Variants in USP50 observed in about 807,000 individuals in gnomAD.
USP50 encodes ubiquitin specific peptidase 50, also known as ubiquitin carboxyl-terminal hydrolase 50.
USP50 carries 37 observed loss-of-function variants against 39.2 expected under a neutral mutation model. The observed-to-expected ratio is 0.94, with a 90% CI of 0.73 to 1.24. The LOEUF (loss-of-function observed/expected upper bound fraction) is 1.24, where lower values mean the gene tolerates loss of function less well. Among genes scored for constraint, USP50 ranks in the 50% most tolerant of loss-of-function variants. The pLI is 0.00. For missense variants in USP50, 374 were observed against 398.2 expected, an observed-to-expected ratio of 0.94 and a Z score of 0.52; for synonymous variants, 139 against 144.5, an observed-to-expected ratio of 0.96 and a Z score of 0.27.
Position 50,529,880 on chromosome 15 carries a change from A to T in USP50, c.853T>A (p.Tyr285Asn), listed in dbSNP as rs1267445456. 6.2e-7 allele frequency: 1 copy of T among 1,614,024 alleles called. No individual in the cohort carries two copies. The highest frequency in any genetic ancestry group is 1.1e-5 in the South Asian group (1 of 91,088). The change falls in exon 6 of 7, where the codon TAC (tyrosine) becomes AAC (asparagine). Residue 285 changes from tyrosine (Y) to asparagine (N), a missense_variant. Tyr to Asn is a moderately radical substitution (Grantham distance 143). Transcript: ENST00000532404. ...GTGAGGTCCAAGTTAGTGAGTGGGT[A>T]ATGAATATCCGTTCTCAGCTTCCTT... ...TKRKLRTDIH[Y>N]PLTNLDLTPY...
chr15:50,524,359 T>C (rs2052872275), intron 6 of USP50, among the ~76,000 whole-genome samples: 2 of 152,296 alleles, frequency 1.3e-5, no homozygotes, highest in South Asian at 4.1e-4. Context: ...GTGAAAATAT[T>C]TGCAAACCAT....
rs779032948 is a variant in USP50 at position 50,533,470 on chromosome 15, TG to T, written c.804-3542del. 3.4e-5 allele frequency among the ~76,000 whole-genome samples: 5 copies of T among 148,004 alleles called. No individual in the cohort carries two copies. The South Asian group carries it at 8.7e-4, about 26-fold the overall frequency. On this transcript the variant is annotated intron_variant, in intron 5 of 6. Transcript: ENST00000532404. ...AAAAAAATCCTAAAAGAAGCCAGAG[TG>T]GGGGGGAAAAAAACACACCTATAGA...
intron 3 of USP50, 100 bp from the exon 4 acceptor site, chr15:50,541,364 T>A: frequency 1.0e-6 from 1 of 956,504 alleles, no homozygotes; most frequent in South Asian, 1.6e-5. Flanking sequence ...AAACAAAAAA[T>A]TAGCTAGGCA....
chr15:50,502,322 G>C (rs1455875436), intron 6 of USP50: 1 of 151,844 alleles, frequency 6.6e-6, no homozygotes, highest in Non-Finnish European at 1.5e-5. Flanking sequence ...TGTTAGCCAG[G>C]ATGGTCTCGA....
At chr15:50,494,039 T>TTGTC in exon 2 of USP50, 2 of 1,590,556 alleles carry the variant, frequency 1.3e-6, no homozygotes, top group Non-Finnish European at 8.5e-7. Context: ...ATTTCCTTTA[T>TTGTC]TGTCTTTTGT....
downstream of USP50, chr15:50,497,218 G>A (rs1296730010): frequency 1.2e-6 from 2 of 1,607,352 alleles, no homozygotes; most frequent in Admixed American, 1.7e-5. Context: ...TGTGCTTTTA[G>A]TGCATCTGAA....
rs77029724 is a variant in USP50 at position 50,503,419 on chromosome 15, T to C, written c.937-2582A>G. 7.3e-3 allele frequency: 1,112 copies of C among 152,314 alleles called. 9 individuals are homozygous for C. The highest frequency in any genetic ancestry group is 0.013 in the Non-Finnish European group (880 of 68,052). 9.4% of individuals were successfully genotyped at this position (152,314 alleles called of 1,614,324 possible). A position where few individuals can be genotyped will look rare whatever the true frequency, so the allele number is the denominator to read the frequency against. On this transcript the variant is annotated intron_variant, in intron 6 of 6. Coordinates refer to ENST00000532404, the MANE Select transcript of USP50 (RefSeq NM_203494.5). ...GACAGTCCCTAGTTTCTGTAACCAG[T>C]ATGCTCGGGTTTTAAAGGTCACGCA...
intron 6 of USP50, among the ~76,000 whole-genome samples, chr15:50,516,934 T>C (rs2141359241): frequency 6.6e-6 from 1 of 152,162 alleles, no homozygotes; most frequent in East Asian, 1.9e-4. Flanking sequence ...AATTACTAAT[T>C]AATATGAGAG....
rs112214586 is a variant in USP50 at position 50,534,089 on chromosome 15, A to C, written c.804-4160T>G. Among the ~76,000 whole-genome samples, 309 of 152,344 alleles carry C rather than the reference A, an allele frequency of 2.0e-3. 2 individuals are homozygous for C. The highest frequency in any genetic ancestry group is 7.3e-3 in the African/African-American group (302 of 41,582). ...GGATCTACATAAAAAGCACTGAAGA[A>C]GGAATAAGTGAAGGTAAAATGAAAA... On this transcript the variant is annotated intron_variant, in intron 5 of 6. Transcript: ENST00000532404.
chr15:50,497,236 A>C, downstream of USP50: 1 of 1,596,144 alleles, frequency 6.3e-7, no homozygotes, highest in Non-Finnish European at 8.5e-7. Context: ...GAAACGGTAA[A>C]GGGGAAAGTT....
chr15:50,520,996 G>A (rs1158373705), intron 6 of USP50, among the ~76,000 whole-genome samples: 2 of 152,134 alleles, frequency 1.3e-5, no homozygotes, highest in Non-Finnish European at 2.9e-5. Context: ...TCAAAGAAAT[G>A]ATAAAGGTTT....
At chr15:50,540,988 C>T (rs983872736) in intron 4 of USP50, 61 bp downstream of exon 4, 6 of 1,340,850 alleles carry the variant, frequency 4.5e-6, no homozygotes, top group African/African-American at 2.9e-5. Context: ...GAAACAGCCC[C>T]GAGAAAATCC....
intron 3 of USP50, among the ~76,000 whole-genome samples, chr15:50,541,797 A>G (rs2053031915): frequency 6.6e-6 from 1 of 152,176 alleles, no homozygotes; most frequent in Non-Finnish European, 1.5e-5. Flanking sequence ...CTAAATTAGC[A>G]TTAGTTCACT....
At chr15:50,494,292 G>C (rs1414677162) in intron 1 of USP50, 6 of 1,585,860 alleles carry the variant, frequency 3.8e-6, no homozygotes, top group Non-Finnish European at 5.1e-6. Flanking sequence ...TAAGAAATTT[G>C]ATTTTTCTAA....
At position 50,502,001 on chromosome 15, in the gene USP50, C is replaced by T. The variant is rs550441107; in HGVS notation, c.937-1164G>A. 9 of 152,308 alleles carry T rather than the reference C, an allele frequency of 5.9e-5. No individual in the cohort carries two copies. In the East Asian group the frequency reaches 1.7e-3, roughly 29 times the overall value. The allele number at this position is 152,308 out of a possible 1,614,324, so 9.4% of individuals were successfully genotyped here. A position where few individuals can be genotyped will look rare whatever the true frequency, so the allele number is the denominator to read the frequency against. On this transcript the variant is annotated intron_variant, in intron 6 of 6. Transcript: ENST00000532404. The stretch of plus-strand genomic sequence containing the variant: ...ATACAACAGTAAAACTGAATAGTTG[C>T]AGCCAATACCATATGGCTTATGAGG...
chr15:50,539,135 A>C (rs2053008656), intron 4 of USP50, among the ~76,000 whole-genome samples: 1 of 137,494 alleles, frequency 7.3e-6, no homozygotes, highest in African/African-American at 2.8e-5. Context: ...TTTGAGATGG[A>C]GTCTCGCTCT....
intron 6 of USP50, among the ~76,000 whole-genome samples, chr15:50,524,616 C>G (rs894091677): frequency 3.3e-5 from 5 of 152,170 alleles, no homozygotes; most frequent in African/African-American, 1.2e-4. Flanking sequence ...TGAAAGTTAA[C>G]AAGTGTTGGC....
downstream of USP50, chr15:50,493,693 C>T (rs370263683): frequency 2.2e-5 from 8 of 370,598 alleles, no homozygotes; most frequent in East Asian, 7.1e-5. Context: ...TGCAGTGAGC[C>T]GTGATTGTGC....
chr15:50,515,295 G>A (rs1180145078), intron 6 of USP50, among the ~76,000 whole-genome samples: 1 of 152,164 alleles, frequency 6.6e-6, no homozygotes, highest in Non-Finnish European at 1.5e-5. Context: ...AGGCTGGAGT[G>A]CAGTGGCGCG....
Sources: allele counts gnomAD v4.1 joint callset (sites outside exome capture counted in the v4.1 genomes callset), GRCh38; gene constraint gnomAD v4.1.1; transcripts MANE v1.5; gene names NCBI Gene and HGNC (gene_info 2026-07-23, HGNC 2026-07-21).